Variants in TBCK observed in about 807,000 individuals in gnomAD.
The protein encoded by TBCK is TBC1 domain containing kinase, also known as TBC domain-containing protein kinase-like protein.
TBCK carries 99 observed loss-of-function variants against 113.4 expected under a neutral mutation model. That is an observed-to-expected ratio of 0.87 (90% CI 0.74 to 1.03). The LOEUF is 1.03. Among genes scored for constraint, TBCK ranks in the 50% least tolerant of loss-of-function variants. The probability of loss-of-function intolerance (pLI) is 0.00; values close to 1 mark genes in which losing one functional copy is unlikely to be tolerated. For missense variants in TBCK, 1,045 were observed against 1,061.3 expected (o/e 0.98, Z 0.21); for synonymous variants, 369 against 370.8 (o/e 1.00, Z 0.05).
intron 11 of TBCK, among the ~76,000 whole-genome samples, chr4:106,243,200 G>GT (rs1023606290): frequency 2.0e-5 from 3 of 152,054 alleles, no homozygotes; most frequent in Admixed American, 1.3e-4. Flanking sequence ...TGGTATGAAT[G>GT]TAAGTATAGA....
chr4:106,212,683 C>A (rs1756290854), intron 20 of TBCK, 67 bp downstream of exon 20: 1 of 1,173,684 alleles, frequency 8.5e-7, no homozygotes, highest in African/African-American at 1.5e-5. Flanking sequence ...AAAATACACT[C>A]TTCTGTGCTA....
At chr4:106,196,627 T>G (rs1410710882) in intron 20 of TBCK, among the ~76,000 whole-genome samples, 1 of 151,974 alleles carries the variant, frequency 6.6e-6, no homozygotes, top group Non-Finnish European at 1.5e-5. Flanking sequence ...AGGCTGACAT[T>G]TAGATACATT....
chr4:106,228,355 T>TC lies in TBCK; in HGVS notation c.1774+2007_1774+2008insG, dbSNP rs1480636577. Reference sequence around the variant, plus strand: ...ATTCTTTCGGTTATTTTTTTTTTTTTACCCATTCACAATGTGTATCCTCCA... The same window carrying TC: ...ATTCTTTCGGTTATTTTTTTTTTTTTCACCCATTCACAATGTGTATCCTCCA... On this transcript the variant is annotated intron_variant, in intron 19 of 25. Coordinates refer to ENST00000394708, the MANE Select transcript of TBCK (RefSeq NM_001163435.3). Among the ~76,000 whole-genome samples the TC allele has an allele frequency of 9.2e-5, 14 of 151,572 alleles. No homozygotes were observed. The East Asian group carries it at 2.5e-3, about 27-fold the overall frequency.
intron 24 of TBCK, among the ~76,000 whole-genome samples, chr4:106,097,147 ATT>A (rs1250797159): frequency 6.6e-6 from 1 of 152,150 alleles, no homozygotes; most frequent in African/African-American, 2.4e-5. Context: ...GTGATTTATT[ATT>A]TGTTTAAAAA....
At chr4:106,103,863 G>C (rs184884918) in intron 24 of TBCK, among the ~76,000 whole-genome samples, 2 of 152,294 alleles carry the variant, frequency 1.3e-5, no homozygotes, top group African/African-American at 4.8e-5. Flanking sequence ...ATGAAGAAAA[G>C]TAAGACAGGA....
At chr4:106,055,625 C>T (rs1401782358) in intron 25 of TBCK, among the ~76,000 whole-genome samples, 3 of 151,094 alleles carry the variant, frequency 2.0e-5, no homozygotes, top group African/African-American at 4.9e-5. Flanking sequence ...CTTTTCCTTT[C>T]CTTTCTCTTC....
intron 22 of TBCK, among the ~76,000 whole-genome samples, chr4:106,172,694 A>C (rs1751178276): frequency 6.6e-6 from 1 of 152,122 alleles, no homozygotes; most frequent in Non-Finnish European, 1.5e-5. Context: ...ATAGTGCATG[A>C]GTAATCATTT....
At chr4:106,126,058 CACT>C (rs1382001219) in intron 23 of TBCK, among the ~76,000 whole-genome samples, 1 of 152,190 alleles carries the variant, frequency 6.6e-6, no homozygotes. Context: ...AGCATTAGCA[CACT>C]ACTTGCCTTT....
chr4:106,315,014 A>G (rs1768629747), intron 1 of TBCK, among the ~76,000 whole-genome samples: 3 of 152,196 alleles, frequency 2.0e-5, no homozygotes, highest in South Asian at 4.1e-4. Flanking sequence ...ATAAAACACT[A>G]ATTAGCATAA....
At position 106,248,958 on chromosome 4, in the gene TBCK, A is replaced by C. The variant is rs1409543020; in HGVS notation, c.683T>G (p.Val228Gly). 1.9e-6 allele frequency: 3 copies of C among 1,607,730 alleles called. No homozygotes were observed. The African/African-American group carries it at 4.0e-5, about 22-fold the overall frequency. The change falls in exon 8 of 26, where the codon GTT becomes GGT. Residue 228 changes from valine (V) to glycine (G), a missense_variant. Physicochemically the swap from Val to Gly is moderately radical, Grantham distance 109. Transcript: ENST00000394708. Reference sequence around the variant, plus strand: ...CAAACAACCATGCTCTTCAGCCAGAACTATTAAAGTGTCATCTACACAATC... The same window carrying C: ...CAAACAACCATGCTCTTCAGCCAGACCTATTAAAGTGTCATCTACACAATC... ...TLDCVDDTLI[V>G]LAEEHGCLDI...
At chr4:106,128,056 C>A (rs575349070) in intron 23 of TBCK, among the ~76,000 whole-genome samples, 15 of 151,992 alleles carry the variant, frequency 9.9e-5, no homozygotes, top group African/African-American at 3.6e-4. Flanking sequence ...AGGCTGAATG[C>A]AATAGCAGTT....
chr4:106,201,138 T>C (rs1424430240), intron 20 of TBCK, among the ~76,000 whole-genome samples: 1 of 152,026 alleles, frequency 6.6e-6, no homozygotes, highest in Non-Finnish European at 1.5e-5. Flanking sequence ...ATCTTTAATA[T>C]AACATATAAC....
chr4:106,143,374 A>G (rs776248957), intron 23 of TBCK, among the ~76,000 whole-genome samples: 3 of 152,230 alleles, frequency 2.0e-5, no homozygotes, highest in Non-Finnish European at 4.4e-5. Flanking sequence ...ATGATTTAGG[A>G]TGAGAAAACC....
At chr4:106,047,055 C>T (rs1157713471) in intron 25 of TBCK, among the ~76,000 whole-genome samples, 1 of 152,102 alleles carries the variant, frequency 6.6e-6, no homozygotes, top group Admixed American at 6.6e-5. Context: ...TTTAGGTATT[C>T]TTCCAGTAAT....
chr4:106,061,103 T>C (rs1362580604), intron 25 of TBCK, among the ~76,000 whole-genome samples: 1 of 151,842 alleles, frequency 6.6e-6, no homozygotes, highest in Non-Finnish European at 1.5e-5. Flanking sequence ...TGTGTCATTT[T>C]TGACAACAAA....
intron 2 of TBCK, among the ~76,000 whole-genome samples, chr4:106,300,974 G>T (rs1766875639): frequency 6.6e-6 from 1 of 151,884 alleles, no homozygotes. Flanking sequence ...AATATGAGCA[G>T]AATTGAAGCT....
upstream of TBCK, chr4:106,316,458 G>C: frequency 7.7e-7 from 1 of 1,291,208 alleles, no homozygotes; most frequent in South Asian, 1.3e-5. Context: ...AAAGAATTGA[G>C]GGTTGAATCT....
intron 22 of TBCK, among the ~76,000 whole-genome samples, 161 bp from the exon 23 acceptor site, chr4:106,171,431 A>T (rs1204601595): frequency 6.6e-6 from 1 of 152,082 alleles, no homozygotes; most frequent in Non-Finnish European, 1.5e-5. Context: ...ATTAATCAGC[A>T]TATTTATGAC....
intron 25 of TBCK, among the ~76,000 whole-genome samples, chr4:106,086,913 G>T (rs1325018288): frequency 6.6e-6 from 1 of 152,004 alleles, no homozygotes; most frequent in Non-Finnish European, 1.5e-5. Context: ...CAATAAACTC[G>T]GTATTGATGG....
Sources: allele counts gnomAD v4.1 joint callset (sites outside exome capture counted in the v4.1 genomes callset), GRCh38; gene constraint gnomAD v4.1.1; transcripts MANE v1.5; gene names NCBI Gene and HGNC (gene_info 2026-07-23, HGNC 2026-07-21).